Variants in ABHD5 observed in about 807,000 individuals in gnomAD.
ABHD5 encodes the protein 1-acylglycerol-3-phosphate O-acyltransferase ABHD5.
A neutral mutation model predicts 44.9 loss-of-function variants in ABHD5; 30 were observed. The ratio of observed to expected loss-of-function variants is 0.67; its 90% CI spans 0.50 to 0.91. The LOEUF (loss-of-function observed/expected upper bound fraction) is 0.91. ABHD5 is among the 40% of genes least tolerant of loss of function. The pLI is 0.00. For missense variants in ABHD5, 399 were observed against 423.4 expected, an observed-to-expected ratio of 0.94 and a Z score of 0.50; for synonymous variants, 167 against 147.0, an observed-to-expected ratio of 1.14 and a Z score of -0.99.
At chr3:43,714,906 A>ATCAT (rs1559417638) in intron 4 of ABHD5, 41 bp from the exon 5 acceptor site, 1 of 1,426,682 alleles carries the variant, frequency 7.0e-7, no homozygotes, top group African/African-American at 1.4e-5. Context: ...TAAGTTAACT[A>ATCAT]TAATTTAAAA....
chr3:43,718,361 AC>A (rs1202789832), intron 6 of ABHD5, 81 bp from the exon 7 acceptor site: 1 of 1,115,116 alleles, frequency 9.0e-7, no homozygotes, highest in Non-Finnish European at 1.4e-6. Context: ...CACTTTTATT[AC>A]TAAGTGTCTT....
chr3:43,728,532 A>G (rs193142148), intron 7 of ABHD5, among the ~76,000 whole-genome samples: 1 of 152,288 alleles, frequency 6.6e-6, no homozygotes, highest in African/African-American at 2.4e-5. Flanking sequence ...CCAAAAAATG[A>G]TAAAGGAGGA....
In ABHD5 at chr3:43,711,697, T is replaced by G; in HGVS notation, c.507-12T>G. 6.2e-7 allele frequency: 1 copy of G among 1,614,096 alleles called. No homozygotes were observed. The highest frequency in any genetic ancestry group is 8.5e-7 in the Non-Finnish European group (1 of 1,179,946). On this transcript the variant is annotated splice_polypyrimidine_tract_variant and intron_variant, in intron 3 of 6. Coordinates refer to ENST00000644371, the MANE Select transcript of ABHD5 (RefSeq NM_016006.6). Reference sequence around the variant, plus strand: ...TACCAAATGAACTTAAATATATTCTTTCCCCCAACAGGGTTAATCATCTCA... The same window carrying G: ...TACCAAATGAACTTAAATATATTCTGTCCCCCAACAGGGTTAATCATCTCA...
chr3:43,699,528 T>C, intron 2 of ABHD5, 167 bp downstream of exon 2: 1 of 709,224 alleles, frequency 1.4e-6, no homozygotes, highest in South Asian at 1.7e-5. Flanking sequence ...TGTCGGGGGC[T>C]GGCAGGTAGG....
At chr3:43,731,648 A>G (rs1027553706) in intron 7 of ABHD5, among the ~76,000 whole-genome samples, 5 of 152,154 alleles carry the variant, frequency 3.3e-5, no homozygotes, top group African/African-American at 9.7e-5. Flanking sequence ...CCTGACCAAC[A>G]TGGAGAAACC....
At chr3:43,706,608 T>G (rs1406726756) in intron 3 of ABHD5, among the ~76,000 whole-genome samples, 1 of 152,072 alleles carries the variant, frequency 6.6e-6, no homozygotes, top group African/African-American at 2.4e-5. Flanking sequence ...TGTGCCACCA[T>G]GCCTGGGTAA....
chr3:43,726,026 C>T (rs547444599), downstream of ABHD5, among the ~76,000 whole-genome samples: 24 of 152,052 alleles, frequency 1.6e-4, no homozygotes, highest in African/African-American at 5.3e-4. Flanking sequence ...CCACCATGCT[C>T]GGCTAATTTT....
At chr3:43,691,329 A>C in intron 1 of ABHD5, 11 of 259,396 alleles carry the variant, frequency 4.2e-5, no homozygotes, top group East Asian at 6.9e-5. Context: ...GTTGTTGTAT[A>C]AGCCACCCCG....
chr3:43,713,031 T>G (rs1434314265), intron 4 of ABHD5, among the ~76,000 whole-genome samples: 1 of 151,826 alleles, frequency 6.6e-6, no homozygotes, highest in South Asian at 2.1e-4. Context: ...AAAAGATGCG[T>G]TCTAACCAGG....
chr3:43,728,745 A>G (rs1288333928), intron 7 of ABHD5, among the ~76,000 whole-genome samples: 1 of 152,238 alleles, frequency 6.6e-6, no homozygotes, highest in African/African-American at 2.4e-5. Flanking sequence ...CCTATTAAAC[A>G]ACCTCCACTA....
intron 4 of ABHD5, among the ~76,000 whole-genome samples, chr3:43,713,393 A>G (rs1309127639): frequency 2.0e-5 from 3 of 152,018 alleles, no homozygotes; most frequent in Non-Finnish European, 4.4e-5. Context: ...AGAAAAGAGA[A>G]GAGGCATGGG....
downstream of ABHD5, among the ~76,000 whole-genome samples, chr3:43,727,338 G>A (rs982326889): frequency 2.6e-5 from 4 of 152,168 alleles, no homozygotes; most frequent in African/African-American, 9.7e-5. Flanking sequence ...AGGTGGGTTA[G>A]TCCCCATTGG....
chr3:43,716,457 T>A (rs983363348), intron 5 of ABHD5, among the ~76,000 whole-genome samples: 3 of 152,150 alleles, frequency 2.0e-5, no homozygotes, highest in Non-Finnish European at 2.9e-5. Flanking sequence ...AGAGACAGCC[T>A]CCCTCTCTTT....
intron 4 of ABHD5, among the ~76,000 whole-genome samples, chr3:43,714,137 CTTTT>C (rs542982546): frequency 1.5e-5 from 2 of 136,880 alleles, no homozygotes. Context: ...TTCTTTTTTT[CTTTT>C]TTTTTTTTTT....
At chr3:43,699,194 G>C in intron 1 of ABHD5, 82 bp from the exon 2 acceptor site, 1 of 1,233,238 alleles carries the variant, frequency 8.1e-7, no homozygotes, top group South Asian at 1.2e-5. Context: ...TTCCTGTGCT[G>C]CCTTTCTTCT....
rs754087795 is a variant in ABHD5, at chr3:43,714,931, A to G, written c.662-16A>G. ...ATAATTTAAAACATGCATTTTTTAA[A>G]TTTCCTGTTAAATAGGTTTAAGTCT... is the stretch of plus-strand genomic sequence containing the variant. On this transcript the variant is annotated splice_polypyrimidine_tract_variant and intron_variant, in intron 4 of 6. Transcript: ENST00000644371. The G allele has an allele frequency of 5.1e-6, 8 of 1,582,454 alleles. No individual in the cohort carries two copies. Among genetic ancestry groups the G allele is most frequent in the Non-Finnish European group, 6.1e-6 (7 of 1,151,652 alleles).
At chr3:43,691,367 G>A (rs2084378001) in intron 1 of ABHD5, 1 of 211,004 alleles carries the variant, frequency 4.7e-6, no homozygotes, top group Non-Finnish European at 9.3e-6. Flanking sequence ...TGGCCGCGGC[G>A]GCCGCACCGG....
chr3:43,690,927 C>G (rs898581986), upstream of ABHD5: 26 of 1,510,222 alleles, frequency 1.7e-5, no homozygotes, highest in East Asian at 3.3e-4. Flanking sequence ...CGCGCCAGCC[C>G]GGGGCGGCCC....
chr3:43,731,257 T>C (rs560036102), intron 7 of ABHD5, among the ~76,000 whole-genome samples: 73 of 152,342 alleles, frequency 4.8e-4, no homozygotes, highest in African/African-American at 1.6e-3. Flanking sequence ...GATCGTTCGC[T>C]AAAGCTAAGG....
Sources: gnomAD v4.1 joint callset for allele counts (sites outside exome capture counted in the v4.1 genomes callset) on GRCh38, gnomAD v4.1.1 for gene constraint, MANE v1.5 for transcripts, NCBI Gene and HGNC (gene_info 2026-07-23, HGNC 2026-07-21) for gene names.